CBLIF: variants seen among roughly 807,000 people sequenced by gnomAD.
CBLIF encodes the protein gastric intrinsic factor (vitamin B synthesis).
In CBLIF, 24 loss-of-function variants were observed where a neutral mutation model predicts 44.9. The ratio of observed to expected loss-of-function variants is 0.53; its 90% confidence interval spans 0.39 to 0.75. The LOEUF is 0.75. Among genes scored for constraint, CBLIF ranks in the 30% least tolerant of loss-of-function variants. CBLIF has a pLI of 0.00. For missense variants in CBLIF, 481 were observed against 513.0 expected (o/e 0.94, Z 0.60); for synonymous variants, 183 against 190.9 (o/e 0.96, Z 0.34).
intron 6 of CBLIF, 121 bp downstream of exon 6, chr11:59,837,053 T>C (rs1866464840): frequency 2.5e-6 from 2 of 804,600 alleles, no homozygotes; most frequent in African/African-American, 3.4e-5. Context: ...GGGAGTCAGA[T>C]GTACTCTGCC....
rs74485713 is a variant in CBLIF at position 59,842,989 on chromosome 11, A to G, written c.370+39T>C. The stretch of plus-strand genomic sequence containing the variant: ...GGGTTTAAAATTCTTAGGTAAAACC[A>G]TATGCCTGACTCTTTTCTCCCTTCC... On this transcript the variant is annotated intron_variant, in intron 3 of 8. Transcript: ENST00000257248. 3.6e-3 allele frequency: 4,548 copies of G among 1,261,586 alleles called. 89 individuals are homozygous for G. In the African/African-American group the frequency reaches 0.054, roughly 15 times the overall value. 78.1% of individuals were successfully genotyped at this position (1,261,586 alleles called of 1,614,324 possible). A position where few individuals can be genotyped will look rare whatever the true frequency, so the allele number is the denominator to read the frequency against.
Position 59,845,449 on chromosome 11 carries a change from G to A in CBLIF, c.5C>T (p.Ala2Val). The A allele has an allele frequency of 6.2e-7, 1 of 1,603,982 alleles. No individual in the cohort carries two copies. The highest frequency in any genetic ancestry group is 8.5e-7 in the Non-Finnish European group (1 of 1,171,042). M[A>V]WFALYLLSLL... Reference sequence around the variant, plus strand: ...GCTCAGGAGGTAGAGGGCAAACCAGGCCATCTCACTCTCTCGTCTATGTCT... The same window carrying A: ...GCTCAGGAGGTAGAGGGCAAACCAGACCATCTCACTCTCTCGTCTATGTCT... The change falls in exon 1 of 9, where the codon GCC (alanine) becomes GTC (valine). Residue 2 changes from alanine (A) to valine (V), a missense_variant. Coordinates refer to ENST00000257248, the MANE Select transcript of CBLIF (RefSeq NM_005142.3).
At position 59,829,337 on chromosome 11, in the gene CBLIF, T is replaced by G; in HGVS notation, c.*147A>C. 1 of 667,682 alleles carries G rather than the reference T, an allele frequency of 1.5e-6. No homozygotes were observed. Among genetic ancestry groups the G allele is most frequent in the South Asian group, 1.6e-5 (1 of 64,164 alleles). The allele number at this position is 667,682 out of a possible 1,614,324, so 41.4% of individuals were successfully genotyped here. On this transcript the variant is annotated 3_prime_UTR_variant, in exon 9 of 9. Coordinates refer to ENST00000257248, the MANE Select transcript of CBLIF (RefSeq NM_005142.3). The stretch of plus-strand genomic sequence containing the variant: ...TTGAGACTCCAGTGAACTTTGCATT[T>G]TTATTCTACATAGTGGTTCTCCATG...
Position 59,831,769 on chromosome 11 carries a change from G to T in CBLIF, c.1101C>A (p.Gly367=), listed in dbSNP as rs1866377783. 1.9e-6 allele frequency: 3 copies of T among 1,598,618 alleles called. No individual in the cohort carries two copies. Among genetic ancestry groups the T allele is most frequent in the Non-Finnish European group, 1.7e-6 (2 of 1,165,990 alleles). Residue 367 remains glycine (G), a synonymous_variant, in exon 8 of 9, where the codon GGC becomes GGA. Coordinates refer to ENST00000257248, the MANE Select transcript of CBLIF (RefSeq NM_005142.3). The part of the protein sequence containing the change: ...FKFETTMTSW[G]LVVSSINNIA... ...TATTGTTGATAGAAGAGACGACAAG[G>T]CCCCAAGATGTCATTGTGGTTTCAA...
At chr11:59,841,028 C>G (rs1407525202) in intron 5 of CBLIF, 115 bp downstream of exon 5, 2 of 830,494 alleles carry the variant, frequency 2.4e-6, no homozygotes, top group Admixed American at 1.7e-5. Flanking sequence ...AAGAATATAT[C>G]TCAGGTCATA....
chr11:59,831,234 C>A (rs1866369109), intron 8 of CBLIF, among the ~76,000 whole-genome samples: 1 of 152,206 alleles, frequency 6.6e-6, no homozygotes, highest in African/African-American at 2.4e-5. Flanking sequence ...CACCAACATC[C>A]ATATGCAGGC....
At chr11:59,842,402 C>A in intron 4 of CBLIF, 41 bp downstream of exon 4, 1 of 1,608,772 alleles carries the variant, frequency 6.2e-7, no homozygotes, top group Non-Finnish European at 8.5e-7. Context: ...GTTCACGATG[C>A]CTCTGATGTT....
At chr11:59,841,376 G>T in intron 4 of CBLIF, 52 bp from the exon 5 acceptor site, 2 of 1,215,152 alleles carry the variant, frequency 1.6e-6, no homozygotes, top group South Asian at 2.4e-5. Context: ...ACAGCAATAT[G>T]AACAGCTAAC....
intron 6 of CBLIF, 66 bp from the exon 7 acceptor site, chr11:59,836,075 C>G: frequency 8.1e-7 from 1 of 1,236,174 alleles, no homozygotes; most frequent in South Asian, 1.2e-5. Flanking sequence ...TGCAAAATCT[C>G]TGTTATTGGC....
chr11:59,844,435 G>C (rs1319916413), intron 1 of CBLIF, among the ~76,000 whole-genome samples: 2 of 152,146 alleles, frequency 1.3e-5, no homozygotes, highest in Admixed American at 1.3e-4. Flanking sequence ...ACCTCGCCTG[G>C]CCATCTTTGA....
At position 59,843,864 on chromosome 11, in the gene CBLIF, G is replaced by C. The variant is rs770364436; in HGVS notation, c.256+15C>G. 9 of 1,601,200 alleles carry C rather than the reference G, an allele frequency of 5.6e-6. No individual in the cohort carries two copies. In the Admixed American group the frequency reaches 6.7e-5, roughly 12 times the overall value. On this transcript the variant is annotated intron_variant, in intron 2 of 8. Coordinates refer to ENST00000257248, the MANE Select transcript of CBLIF (RefSeq NM_005142.3). Reference sequence around the variant, plus strand: ...GTGAGATTCAGGGAGAGTGCGAGCGGCTCAGATGTCTCACCGTTGTTGTCG... The same window carrying C: ...GTGAGATTCAGGGAGAGTGCGAGCGCCTCAGATGTCTCACCGTTGTTGTCG...
At chr11:59,841,853 A>G (rs1437841131) in intron 4 of CBLIF, among the ~76,000 whole-genome samples, 2 of 152,164 alleles carry the variant, frequency 1.3e-5, no homozygotes, top group African/African-American at 4.8e-5. Flanking sequence ...CCCCACAGAG[A>G]AGGATCATTA....
At position 59,831,385 on chromosome 11, in the gene CBLIF, A is replaced by G. The variant is rs146318818; in HGVS notation, c.1192+293T>C. On this transcript the variant is annotated intron_variant, in intron 8 of 8. Transcript: ENST00000257248. ...TTTACATTCTAGATGCATGCCTTGT[A>G]CAAGACCCTTTAATGTCTCTTAAGA... 594 of 162,542 alleles carry G rather than the reference A, an allele frequency of 3.7e-3. 6 individuals are homozygous for G. The highest frequency in any genetic ancestry group is 0.014 in the African/African-American group (567 of 41,832). 10.1% of individuals were successfully genotyped at this position (162,542 alleles called of 1,614,324 possible). A position where few individuals can be genotyped will look rare whatever the true frequency, so the allele number is the denominator to read the frequency against.
chr11:59,834,226 CTTTCTTTCTTTCTTTTTCTT>C (rs1565207297), intron 7 of CBLIF, among the ~76,000 whole-genome samples: 8 of 148,720 alleles, frequency 5.4e-5, no homozygotes, highest in African/African-American at 2.1e-4. Context: ...CTTTCTGTTT[CTTTCTTTCTTTCTTTTTCTT>C]TCTTTCTTTC....
chr11:59,839,584 A>G (rs1590858774), intron 5 of CBLIF, among the ~76,000 whole-genome samples: 2 of 152,310 alleles, frequency 1.3e-5, no homozygotes, highest in East Asian at 3.9e-4. Flanking sequence ...TTAGATTAGG[A>G]AAATATTATA....
intron 2 of CBLIF, among the ~76,000 whole-genome samples, chr11:59,843,636 C>G (rs1157945985): frequency 6.6e-6 from 1 of 152,178 alleles, no homozygotes; most frequent in Non-Finnish European, 1.5e-5. Flanking sequence ...GAGCCAGAAC[C>G]AGAAGGCTGC....
rs868470204 is a variant in CBLIF, at chr11:59,841,197, C to T, written c.639G>A (p.Lys213=). ...CTCCAATGATGCCATTATCTTTGAT[C>T]TTCATGCTGATTTTCTCCACAATAT... ...LKDIVEKISM[K]IKDNGIIGDI... The change falls in exon 5 of 9, where the codon AAG becomes AAA. Residue 213 remains lysine, a synonymous_variant. Coordinates refer to ENST00000257248, the MANE Select transcript of CBLIF (RefSeq NM_005142.3). 4 of 1,613,734 alleles carry T rather than the reference C, an allele frequency of 2.5e-6. No homozygotes were observed. The highest frequency in any genetic ancestry group is 1.7e-4 in the Middle Eastern group (1 of 6,060).
chr11:59,840,454 T>C (rs982124941), intron 5 of CBLIF, among the ~76,000 whole-genome samples: 1 of 152,196 alleles, frequency 6.6e-6, no homozygotes, highest in Non-Finnish European at 1.5e-5. Context: ...CCACCATTGG[T>C]GCATCTGTCT....
intron 7 of CBLIF, among the ~76,000 whole-genome samples, chr11:59,834,505 G>A (rs1293831957): frequency 2.7e-5 from 4 of 148,094 alleles, no homozygotes; most frequent in Admixed American, 6.9e-5. Flanking sequence ...CAATCTTCCC[G>A]TCTCAACCTC....
Sources: allele counts gnomAD v4.1 joint callset (sites outside exome capture counted in the v4.1 genomes callset), GRCh38; gene constraint gnomAD v4.1.1; transcripts MANE v1.5; gene names NCBI Gene and HGNC (gene_info 2026-07-23, HGNC 2026-07-21).